Variants in NRCAM observed in about 807,000 individuals in gnomAD.
NRCAM encodes the protein neuronal cell adhesion molecule.
NRCAM carries 83 observed loss-of-function variants against 156.5 expected under a neutral mutation model. That is an observed-to-expected ratio of 0.53 (90% CI 0.44 to 0.64). NRCAM has a LOEUF of 0.64. Among genes scored for constraint, NRCAM ranks in the 30% least tolerant of loss-of-function variants. The probability of loss-of-function intolerance (pLI) is 0.00; values close to 1 mark genes in which losing one functional copy is unlikely to be tolerated. For synonymous variants in NRCAM, 538 were observed against 563.9 expected (o/e 0.95, Z 0.65); for missense variants, 1,417 against 1,597.3 (o/e 0.89, Z 1.92).
intron 30 of NRCAM, among the ~76,000 whole-genome samples, chr7:108,164,502 T>A (rs382751): frequency 6.7e-6 from 1 of 149,812 alleles, no homozygotes; most frequent in South Asian, 2.1e-4. Context: ...AATTAGCCAA[T>A]GATAGGCTTT....
At chr7:108,177,681 ACGTG>A (rs1359406816) in intron 26 of NRCAM, among the ~76,000 whole-genome samples, 1,322 of 21,194 alleles carry the variant, frequency 0.062, 29 homozygotes, top group African/African-American at 0.089. Context: ...GTATATATAT[ACGTG>A]TATATATATA....
At chr7:108,174,048 C>G (rs6973148) in intron 28 of NRCAM, among the ~76,000 whole-genome samples, 16,603 of 152,042 alleles carry the variant, frequency 0.11, 1,220 homozygotes, top group African/African-American at 0.21. Context: ...TGAAATGCTC[C>G]AATTGAAGTT....
intron 2 of NRCAM, among the ~76,000 whole-genome samples, chr7:108,342,200 G>C (rs535343688): frequency 6.6e-6 from 1 of 152,304 alleles, no homozygotes; most frequent in African/African-American, 2.4e-5. Context: ...TGCCCGTTCA[G>C]AAACCTTGTG....
chr7:108,342,638 C>A (rs1017028896), intron 2 of NRCAM, among the ~76,000 whole-genome samples: 2 of 152,188 alleles, frequency 1.3e-5, no homozygotes, highest in Admixed American at 6.5e-5. Flanking sequence ...ACAGAAAAAA[C>A]AGAAATAGCT....
chr7:108,174,048 C>A (rs6973148), intron 28 of NRCAM, among the ~76,000 whole-genome samples: 1 of 151,948 alleles, frequency 6.6e-6, no homozygotes, highest in Non-Finnish European at 1.5e-5. Context: ...TGAAATGCTC[C>A]AATTGAAGTT....
At chr7:108,325,306 G>A (rs1280980154) in intron 2 of NRCAM, among the ~76,000 whole-genome samples, 1 of 152,084 alleles carries the variant, frequency 6.6e-6, no homozygotes, top group Non-Finnish European at 1.5e-5. Flanking sequence ...TTAAGAATGA[G>A]AACTTTCATT....
At chr7:108,300,420 C>T (rs1409416059) in intron 3 of NRCAM, among the ~76,000 whole-genome samples, 2 of 151,908 alleles carry the variant, frequency 1.3e-5, no homozygotes, top group South Asian at 2.1e-4. Context: ...TTATAATAAA[C>T]ATCTATTTTC....
At chr7:108,207,014 T>C (rs955788321) in intron 13 of NRCAM, among the ~76,000 whole-genome samples, 1 of 152,124 alleles carries the variant, frequency 6.6e-6, no homozygotes, top group Non-Finnish European at 1.5e-5. Flanking sequence ...GTGTTCTTCT[T>C]TGGGTATCAA....
intron 8 of NRCAM, among the ~76,000 whole-genome samples, 153 bp from the exon 9 acceptor site, chr7:108,226,531 A>T (rs1265433512): frequency 2.3e-4 from 1 of 4,334 alleles, no homozygotes; most frequent in African/African-American, 4.3e-4. Context: ...AAATAACTGT[A>T]AAAAAAAAAA....
At chr7:108,250,211 G>A (rs1313076703) in intron 3 of NRCAM, among the ~76,000 whole-genome samples, 1 of 152,058 alleles carries the variant, frequency 6.6e-6, no homozygotes, top group Non-Finnish European at 1.5e-5. Flanking sequence ...TTGAGCTTAG[G>A]AGTTCAAAAC....
intron 2 of NRCAM, among the ~76,000 whole-genome samples, chr7:108,369,206 ATC>A (rs1051510894): frequency 6.6e-6 from 1 of 152,110 alleles, no homozygotes; most frequent in Non-Finnish European, 1.5e-5. Context: ...AATTCCAATT[ATC>A]TGAGTAATTT....
At chr7:108,212,143 T>G (rs1017198206) in intron 11 of NRCAM, among the ~76,000 whole-genome samples, 1 of 152,086 alleles carries the variant, frequency 6.6e-6, no homozygotes, top group African/African-American at 2.4e-5. Flanking sequence ...AGAAGAGAGA[T>G]AACAATCACT....
chr7:108,361,625 T>C (rs1418359586), intron 2 of NRCAM, among the ~76,000 whole-genome samples: 1 of 152,132 alleles, frequency 6.6e-6, no homozygotes, highest in Non-Finnish European at 1.5e-5. Flanking sequence ...AATTACACCA[T>C]CAGCTCTCCT....
At chr7:108,202,432 T>G (rs2078673500) in intron 13 of NRCAM, among the ~76,000 whole-genome samples, 1 of 152,248 alleles carries the variant, frequency 6.6e-6, no homozygotes, top group Non-Finnish European at 1.5e-5. Flanking sequence ...TTATGCATTT[T>G]GGAGATGAGA....
intron 3 of NRCAM, 34 bp from the exon 4 acceptor site, chr7:108,240,204 A>C: frequency 1.8e-6 from 1 of 565,082 alleles, no homozygotes. Context: ...AATAATTATA[A>C]TGTATTAAAA....
At chr7:108,256,236 T>C (rs1330253888) in intron 3 of NRCAM, among the ~76,000 whole-genome samples, 11 of 151,646 alleles carry the variant, frequency 7.3e-5, no homozygotes, top group Non-Finnish European at 8.8e-5. Flanking sequence ...TGTGTCTGTG[T>C]AGAAAGAAGT....
intron 3 of NRCAM, among the ~76,000 whole-genome samples, chr7:108,252,253 G>A (rs1333717835): frequency 1.3e-5 from 2 of 152,200 alleles, no homozygotes; most frequent in African/African-American, 2.4e-5. Flanking sequence ...TGAGGATTAA[G>A]CAGGCAAAGT....
At chr7:108,167,202 G>T in intron 29 of NRCAM, 129 bp from the exon 30 acceptor site, 1 of 648,800 alleles carries the variant, frequency 1.5e-6, no homozygotes, top group Non-Finnish European at 2.6e-6. Flanking sequence ...TACCATTTTA[G>T]ATTATTATAA....
At chr7:108,311,769 C>T (rs189573845) in intron 3 of NRCAM, among the ~76,000 whole-genome samples, 2 of 152,252 alleles carry the variant, frequency 1.3e-5, no homozygotes, top group East Asian at 3.9e-4. Flanking sequence ...ATGGATCAGC[C>T]TAAGAATTCT....
Sources: gnomAD v4.1 joint callset for allele counts (sites outside exome capture counted in the v4.1 genomes callset) on GRCh38, gnomAD v4.1.1 for gene constraint, MANE v1.5 for transcripts, NCBI Gene and HGNC (gene_info 2026-07-23, HGNC 2026-07-21) for gene names.